The following SUMF1 variants were observed in gnomAD, a reference collection of about 807,000 sequenced individuals.
The protein encoded by SUMF1 is sulfatase modifying factor 1.
Under a neutral mutation model 47.6 loss-of-function variants are expected in SUMF1, and 48 were observed. The observed-to-expected ratio is 1.01, with a 90% CI of 0.80 to 1.28. SUMF1 has a LOEUF of 1.28. Among genes scored for constraint, SUMF1 ranks in the 50% most tolerant of loss-of-function variants. The pLI, the probability that SUMF1 is intolerant of heterozygous loss-of-function variation, is 0.00. For missense variants in SUMF1, 571 were observed against 485.4 expected (o/e 1.18, Z -1.66); for synonymous variants, 230 against 192.1 (o/e 1.20, Z -1.63).
intron 3 of SUMF1, among the ~76,000 whole-genome samples, chr3:4,432,716 C>A (rs541995144): frequency 6.6e-6 from 1 of 152,150 alleles, no homozygotes; most frequent in Admixed American, 6.5e-5. Context: ...AATCGCAGTC[C>A]GTCATCACAG....
chr3:4,413,661 T>A (rs1383845802), intron 6 of SUMF1, among the ~76,000 whole-genome samples: 1 of 151,944 alleles, frequency 6.6e-6, no homozygotes, highest in African/African-American at 2.4e-5. Flanking sequence ...AAATTAATCA[T>A]TGTGTAACAA....
intron 8 of SUMF1, among the ~76,000 whole-genome samples, chr3:4,260,518 T>C (rs902302620): frequency 1.3e-5 from 2 of 152,190 alleles, no homozygotes; most frequent in Non-Finnish European, 1.5e-5. Flanking sequence ...TTTCCAGCCC[T>C]GATTATCAGA....
intron 8 of SUMF1, among the ~76,000 whole-genome samples, chr3:4,256,119 T>C (rs1336186342): frequency 7.2e-6 from 1 of 139,104 alleles, no homozygotes; most frequent in South Asian, 2.4e-4. Context: ...CAAAGCAGTG[T>C]GTAGAGGGAA....
intron 8 of SUMF1, among the ~76,000 whole-genome samples, chr3:4,263,894 T>C (rs1157162534): frequency 6.6e-6 from 1 of 152,198 alleles, no homozygotes; most frequent in African/African-American, 2.4e-5. Context: ...TTATTTTATT[T>C]TATTTATTGT....
At chr3:4,398,102 C>T (rs1033506664) in intron 7 of SUMF1, among the ~76,000 whole-genome samples, 1 of 152,090 alleles carries the variant, frequency 6.6e-6, no homozygotes. Context: ...GGTCCCACTC[C>T]AAAACTGCAT....
intron 8 of SUMF1, among the ~76,000 whole-genome samples, chr3:4,082,951 G>C (rs192958203): frequency 2.0e-4 from 30 of 152,248 alleles, no homozygotes; most frequent in Non-Finnish European, 3.4e-4. Context: ...GACCAGAGTG[G>C]TGCACTGCCT....
At chr3:4,172,670 T>C (rs1479064364) in intron 8 of SUMF1, among the ~76,000 whole-genome samples, 3 of 145,460 alleles carry the variant, frequency 2.1e-5, no homozygotes, top group Non-Finnish European at 4.5e-5. Context: ...GCTTATATCC[T>C]TTGCCCACTT....
chr3:4,361,216 G>A lies in SUMF1; in HGVS notation c.*928C>T, dbSNP rs191781974. On this transcript the variant is annotated 3_prime_UTR_variant, in exon 9 of 9. Coordinates refer to ENST00000272902, the MANE Select transcript of SUMF1 (RefSeq NM_182760.4). ...GCATCGGATATTCCACAGCCAACAAGGTTTCCTATTCCCTATTACAAAATA... is the reference window on the plus strand; with the variant it reads ...GCATCGGATATTCCACAGCCAACAAAGTTTCCTATTCCCTATTACAAAATA... The A allele has an allele frequency of 6.6e-6, 1 of 152,592 alleles. No homozygotes were observed. Among genetic ancestry groups the A allele is most frequent in the African/African-American group, 2.4e-5 (1 of 41,556 alleles). 9.5% of individuals were successfully genotyped at this position (152,592 alleles called of 1,614,324 possible).
At chr3:4,183,865 A>C (rs772361119) in intron 8 of SUMF1, among the ~76,000 whole-genome samples, 2 of 152,274 alleles carry the variant, frequency 1.3e-5, no homozygotes, top group Non-Finnish European at 1.5e-5. Context: ...TAAACCATCA[A>C]AAGAGGCATT....
chr3:4,213,161 A>C (rs1695836809), intron 8 of SUMF1, among the ~76,000 whole-genome samples: 1 of 152,176 alleles, frequency 6.6e-6, no homozygotes, highest in African/African-American at 2.4e-5. Flanking sequence ...GCAGCCAGAG[A>C]GAAAGGTCGG....
intron 8 of SUMF1, among the ~76,000 whole-genome samples, chr3:4,223,029 T>C (rs1696100534): frequency 6.6e-6 from 1 of 152,124 alleles, no homozygotes. Flanking sequence ...ACTTCCACGT[T>C]TTTCTCTGTG....
downstream of SUMF1, among the ~76,000 whole-genome samples, chr3:4,358,074 C>A (rs1318827569): frequency 6.6e-6 from 1 of 152,022 alleles, no homozygotes; most frequent in East Asian, 1.9e-4. Flanking sequence ...TAGGTTGAAC[C>A]ATGTAGTTTG....
intron 8 of SUMF1, among the ~76,000 whole-genome samples, chr3:4,193,795 G>C (rs1695372762): frequency 1.3e-5 from 2 of 152,054 alleles, no homozygotes. Flanking sequence ...CCACAGGCAA[G>C]TCTTAACCTC....
intron 8 of SUMF1, among the ~76,000 whole-genome samples, chr3:4,090,686 G>T (rs1232255615): frequency 6.6e-6 from 1 of 152,000 alleles, no homozygotes; most frequent in South Asian, 2.1e-4. Context: ...GGTTGGAGGG[G>T]CTCCTGACAA....
chr3:4,384,189 C>T (rs905988749), intron 7 of SUMF1, among the ~76,000 whole-genome samples: 6 of 152,210 alleles, frequency 3.9e-5, no homozygotes, highest in Non-Finnish European at 8.8e-5. Context: ...CTTAGTATGG[C>T]AGATCTGCTA....
At chr3:4,194,005 A>G (rs147766825) in intron 8 of SUMF1, among the ~76,000 whole-genome samples, 67 of 152,270 alleles carry the variant, frequency 4.4e-4, no homozygotes, top group African/African-American at 1.5e-3. Context: ...CAATTCAATG[A>G]AAGTAATTTT....
At chr3:4,308,721 A>G (rs1698288320) in intron 8 of SUMF1, among the ~76,000 whole-genome samples, 1 of 152,214 alleles carries the variant, frequency 6.6e-6, no homozygotes, top group African/African-American at 2.4e-5. Context: ...CTCACAGTTC[A>G]AGACCATAGT....
intron 8 of SUMF1, among the ~76,000 whole-genome samples, chr3:4,270,352 T>A (rs916535576): frequency 6.6e-6 from 1 of 152,034 alleles, no homozygotes; most frequent in South Asian, 2.1e-4. Context: ...TTCCTTCTTC[T>A]CTCTTCCTTT....
At chr3:4,213,100 C>T (rs1251636636) in intron 8 of SUMF1, among the ~76,000 whole-genome samples, 4 of 152,036 alleles carry the variant, frequency 2.6e-5, no homozygotes, top group East Asian at 1.9e-4. Context: ...AACCCCAAGA[C>T]GCATAATCAT....
Sources: gnomAD v4.1 joint callset for allele counts (sites outside exome capture counted in the v4.1 genomes callset) on GRCh38, gnomAD v4.1.1 for gene constraint, MANE v1.5 for transcripts, NCBI Gene and HGNC (gene_info 2026-07-23, HGNC 2026-07-21) for gene names.